LCP1: variants seen among roughly 807,000 people sequenced by gnomAD.
LCP1 encodes the protein lymphocyte cytosolic protein 1, also known as plastin-2.
A neutral mutation model predicts 72.0 loss-of-function variants in LCP1; 23 were observed. The observed-to-expected ratio is 0.32, with a 90% CI of 0.23 to 0.45. LCP1 has a LOEUF of 0.45. Ranked by LOEUF, LCP1 falls within the 20% of genes least tolerant of loss-of-function variation. The pLI is 1.00. For synonymous variants in LCP1, 245 were observed against 275.4 expected (o/e 0.89, Z 1.09); for missense variants, 571 against 748.3 (o/e 0.76, Z 2.76).
chr13:46,158,529 G>A lies in LCP1; in HGVS notation c.351C>T (p.Ser117=). The change falls in exon 4 of 16, where the codon TCC becomes TCT. Residue 117 remains serine (S), a synonymous_variant. Coordinates refer to ENST00000323076, the MANE Select transcript of LCP1 (RefSeq NM_002298.5). ...CCCAGGAGTTGAGCCTACCTGAATA[G>A]GAGTGTTGGGTGCCAACGCTAGACT... ...SEQSSVGTQH[S]YSEEEKYAFV... is the part of the protein sequence containing the mutation. The A allele has an allele frequency of 6.2e-7, 1 of 1,613,992 alleles. No individual in the cohort carries two copies. The highest frequency in any genetic ancestry group is 8.5e-7 in the Non-Finnish European group (1 of 1,179,972).
chr13:46,161,449 AG>A (rs1282989911), intron 1 of LCP1, among the ~76,000 whole-genome samples: 1 of 152,204 alleles, frequency 6.6e-6, no homozygotes, highest in Admixed American at 6.5e-5. Context: ...GAAACTGTCG[AG>A]GGGTTAATTG....
At position 46,163,649 on chromosome 13, in the gene LCP1, AAAAC is replaced by A. The variant is rs1566444213; in HGVS notation, c.-24-3967_-24-3964del. The stretch of plus-strand genomic sequence containing the variant: ...ATGATCAATTAAAAAAAAAAAAAAA[AAAAC>A]AATGAGTTATTAAGTATATGGACTA... On this transcript the variant is annotated intron_variant, in intron 1 of 15. Transcript: ENST00000323076. Among the ~76,000 whole-genome samples the A allele has an allele frequency of 4.9e-3, 741 of 151,764 alleles. 5 individuals are homozygous for A. Among genetic ancestry groups the A allele is most frequent in the African/African-American group, 0.017 (714 of 41,130 alleles).
chr13:46,136,612 T>C (rs1741733570), intron 13 of LCP1, among the ~76,000 whole-genome samples: 1 of 152,190 alleles, frequency 6.6e-6, no homozygotes, highest in South Asian at 2.1e-4. Context: ...ATTTCTAGTT[T>C]GGAAAAGATC....
At chr13:46,174,738 C>T (rs1045958161) in intron 1 of LCP1, among the ~76,000 whole-genome samples, 2 of 149,890 alleles carry the variant, frequency 1.3e-5, no homozygotes, top group African/African-American at 4.9e-5. Context: ...CCCAGCTACT[C>T]AGGAGGCTGA....
intron 1 of LCP1, chr13:46,168,343 C>T (rs767086501): frequency 3.3e-5 from 5 of 152,214 alleles, no homozygotes; most frequent in Non-Finnish European, 7.3e-5. Flanking sequence ...CTGCTGGCGC[C>T]ATCAGCAGCT....
chr13:46,179,236 C>T (rs1267331225), intron 1 of LCP1, among the ~76,000 whole-genome samples: 5 of 152,074 alleles, frequency 3.3e-5, no homozygotes, highest in African/African-American at 7.2e-5. Context: ...ACTAGGGCTT[C>T]GGTAAAGCTG....
chr13:46,153,653 A>G (rs913287955), intron 6 of LCP1, among the ~76,000 whole-genome samples: 1 of 151,674 alleles, frequency 6.6e-6, no homozygotes, highest in Non-Finnish European at 1.5e-5. Context: ...GTGAGCTGAG[A>G]TCATGCCATC....
chr13:46,156,500 G>T lies in LCP1; in HGVS notation c.429C>A (p.Val143=). Reference sequence around the variant, plus strand: ...CATTCGTGTTTGGGTTCATTGGGATGACATGCCGACAATCAGGATCATTTT... The same window carrying T: ...CATTCGTGTTTGGGTTCATTGGGATTACATGCCGACAATCAGGATCATTTT... ...ALENDPDCRH[V]IPMNPNTNDL... is the part of the protein sequence containing the mutation. The change falls in exon 5 of 16, where the codon GTC becomes GTA. Residue 143 remains valine, a synonymous_variant. Coordinates refer to ENST00000323076, the MANE Select transcript of LCP1 (RefSeq NM_002298.5). 3 of 1,614,136 alleles carry T rather than the reference G, an allele frequency of 1.9e-6. No homozygotes were observed. The highest frequency in any genetic ancestry group is 2.5e-6 in the Non-Finnish European group (3 of 1,179,980).
intron 13 of LCP1, among the ~76,000 whole-genome samples, chr13:46,139,301 G>A (rs1283044122): frequency 6.6e-6 from 1 of 152,180 alleles, no homozygotes; most frequent in Non-Finnish European, 1.5e-5. Flanking sequence ...TGTGGAAATG[G>A]GTAATGGAGC....
intron 1 of LCP1, among the ~76,000 whole-genome samples, chr13:46,166,681 G>A (rs1019984043): frequency 7.9e-5 from 12 of 152,122 alleles, no homozygotes; most frequent in South Asian, 2.1e-4. Context: ...CTAAAGAAAC[G>A]AAAAATAAAA....
chr13:46,127,868 A>G, intron 15 of LCP1, 145 bp from the exon 16 acceptor site: 1 of 922,654 alleles, frequency 1.1e-6, no homozygotes, highest in Non-Finnish European at 1.6e-6. Flanking sequence ...GCATCCTCAC[A>G]CTTTTGTGGA....
intron 8 of LCP1, chr13:46,148,701 G>A (rs2096828893): frequency 1.2e-5 from 6 of 505,988 alleles, no homozygotes; most frequent in Non-Finnish European, 1.7e-5. Flanking sequence ...CTAAAGAAGT[G>A]GATATTATTC....
chr13:46,171,780 G>A (rs539651116), intron 1 of LCP1, among the ~76,000 whole-genome samples: 2 of 152,380 alleles, frequency 1.3e-5, no homozygotes, highest in East Asian at 3.9e-4. Context: ...AGAATGAAGT[G>A]CAGTGGACCT....
intron 8 of LCP1, among the ~76,000 whole-genome samples, chr13:46,149,530 T>G (rs553343284): frequency 3.3e-5 from 5 of 152,350 alleles, no homozygotes; most frequent in African/African-American, 1.2e-4. Flanking sequence ...TCTCACTCAC[T>G]CTAGCCTGGG....
chr13:46,162,855 G>A (rs2045851140), intron 1 of LCP1, among the ~76,000 whole-genome samples: 2 of 149,250 alleles, frequency 1.3e-5, no homozygotes, highest in South Asian at 2.2e-4. Flanking sequence ...GGGAGGTGAG[G>A]AGCGTCTCTG....
At chr13:46,152,443 G>A (rs753155067) in intron 7 of LCP1, among the ~76,000 whole-genome samples, 5 of 152,008 alleles carry the variant, frequency 3.3e-5, no homozygotes, top group Non-Finnish European at 5.9e-5. Context: ...TGCTTACTTC[G>A]CAAAGTGCAA....
intron 13 of LCP1, among the ~76,000 whole-genome samples, chr13:46,134,921 T>A (rs1315272858): frequency 1.3e-5 from 2 of 151,730 alleles, no homozygotes; most frequent in African/African-American, 4.8e-5. Flanking sequence ...CTGGGAAACA[T>A]AACGAAACCC....
intron 15 of LCP1, 145 bp downstream of exon 15, chr13:46,130,669 G>A: frequency 4.6e-6 from 4 of 873,756 alleles, no homozygotes; most frequent in Non-Finnish European, 6.9e-6. Flanking sequence ...CAGTGATGAT[G>A]AGACTGCAGA....
At chr13:46,166,094 A>G (rs1415471934) in intron 1 of LCP1, among the ~76,000 whole-genome samples, 1 of 152,202 alleles carries the variant, frequency 6.6e-6, no homozygotes, top group East Asian at 1.9e-4. Context: ...TCTGAGGATG[A>G]GTTATCATAA....
Sources: allele counts gnomAD v4.1 joint callset (sites outside exome capture counted in the v4.1 genomes callset), GRCh38; gene constraint gnomAD v4.1.1; transcripts MANE v1.5; gene names NCBI Gene and HGNC (gene_info 2026-07-23, HGNC 2026-07-21).